Variants in EPC1 observed in about 807,000 individuals in gnomAD.
EPC1 encodes the protein enhancer of polycomb 1.
EPC1 carries 12 observed loss-of-function variants against 98.4 expected under a neutral mutation model. The observed-to-expected ratio is 0.12, with a 90% CI of 0.08 to 0.20. EPC1 has a LOEUF of 0.20. EPC1 is among the 10% of genes least tolerant of loss of function. The pLI is 1.00. For synonymous variants in EPC1, 357 were observed against 363.9 expected (o/e 0.98, Z 0.21); for missense variants, 729 against 990.5 (o/e 0.74, Z 3.54).
intron 2 of EPC1, 141 bp downstream of exon 2, chr10:32,305,631 G>T: frequency 2.1e-6 from 1 of 487,634 alleles, no homozygotes; most frequent in Non-Finnish European, 3.3e-6. Context: ...TTTAAAAGTT[G>T]AAAATGGACT....
intron 1 of EPC1, among the ~76,000 whole-genome samples, chr10:32,363,039 T>C (rs1419499585): frequency 6.9e-6 from 1 of 144,528 alleles, no homozygotes; most frequent in Non-Finnish European, 1.5e-5. Flanking sequence ...AGGAAATCTA[T>C]ATTAGTAAAA....
At position 32,289,055 on chromosome 10, in the gene EPC1, C is replaced by T. The variant is rs560648499; in HGVS notation, c.976-1781G>A. Among the ~76,000 whole-genome samples the T allele has an allele frequency of 3.3e-5, 5 of 152,106 alleles. No individual in the cohort carries two copies. The East Asian group carries it at 9.7e-4, about 29-fold the overall frequency. ...AGTGAGCCAAGATTGCGCCACTGCA[C>T]TCCAGCCTGGGTGACAGAGCAAGAC... On this transcript the variant is annotated intron_variant, in intron 6 of 13. Transcript: ENST00000319778.
At chr10:32,370,739 A>T (rs190103378) in intron 1 of EPC1, among the ~76,000 whole-genome samples, 16 of 152,346 alleles carry the variant, frequency 1.1e-4, no homozygotes, top group Admixed American at 1.0e-3. Flanking sequence ...ACCACTTGAA[A>T]TGTGGATAGT....
chr10:32,303,487 GAACTATTCATATATCCAAC>G (rs1478006297), intron 2 of EPC1, among the ~76,000 whole-genome samples: 1 of 152,106 alleles, frequency 6.6e-6, no homozygotes, highest in Non-Finnish European at 1.5e-5. Flanking sequence ...AAGAAGGAAC[GAACTATTCATATATCCAAC>G]AACTGAATGA....
intron 11 of EPC1, 89 bp from the exon 12 acceptor site, chr10:32,272,256 A>C: frequency 9.0e-7 from 1 of 1,117,132 alleles, no homozygotes; most frequent in Non-Finnish European, 1.2e-6. Context: ...AATCAGTTTG[A>C]ATATAAGTAA....
At chr10:32,347,274 C>T (rs867915738), upstream of EPC1, 14 of 1,013,342 alleles carry the variant, frequency 1.4e-5, no homozygotes, top group African/African-American at 2.0e-4. Context: ...GCGCGCGTCC[C>T]GCCAACCCCC....
chr10:32,310,719 C>A (rs1160783182), intron 1 of EPC1, among the ~76,000 whole-genome samples: 1 of 151,934 alleles, frequency 6.6e-6, no homozygotes, highest in Non-Finnish European at 1.5e-5. Flanking sequence ...ATTAAAAATA[C>A]AAAAATTAGC....
At chr10:32,306,509 T>C (rs1209877153) in intron 1 of EPC1, among the ~76,000 whole-genome samples, 3 of 152,136 alleles carry the variant, frequency 2.0e-5, no homozygotes, top group African/African-American at 4.8e-5. Context: ...GCAGAGTATG[T>C]GTAGGGGCAG....
At chr10:32,374,899 G>A (rs1292429770) in intron 1 of EPC1, among the ~76,000 whole-genome samples, 3 of 152,000 alleles carry the variant, frequency 2.0e-5, no homozygotes, top group African/African-American at 7.2e-5. Context: ...AGAAACAAAT[G>A]TTGAACAAAT....
chr10:32,373,201 C>T (rs2133126781), intron 1 of EPC1, among the ~76,000 whole-genome samples: 1 of 152,230 alleles, frequency 6.6e-6, no homozygotes, highest in East Asian at 1.9e-4. Flanking sequence ...CCTCTCTATG[C>T]CTCAGTTTCC....
At chr10:32,321,549 T>C (rs932775665) in intron 1 of EPC1, among the ~76,000 whole-genome samples, 14 of 151,976 alleles carry the variant, frequency 9.2e-5, no homozygotes, top group African/African-American at 3.4e-4. Flanking sequence ...TTCAGCAGAC[T>C]AGTTGTGGTA....
At position 32,293,666 on chromosome 10, in the gene EPC1, T is replaced by C; in HGVS notation, c.385A>G (p.Lys129Glu). Residue 129 changes from lysine to glutamate, a missense_variant, in exon 3 of 14, where the codon AAA becomes GAA. By Grantham distance (56) the Lys-to-Glu change is moderately conservative. Coordinates refer to ENST00000319778, the MANE Select transcript of EPC1 (RefSeq NM_001272004.3). ...AATGGGCAGATGTCCATTTTCTTTT[T>C]CAGTTTATTCACAAATACTTCATCT... ...SEDEVFVNKL[K>E]KKMDICPLQF... The C allele has an allele frequency of 6.2e-7, 1 of 1,613,760 alleles. No individual in the cohort carries two copies. The highest frequency in any genetic ancestry group is 8.5e-7 in the Non-Finnish European group (1 of 1,179,848).
intron 1 of EPC1, among the ~76,000 whole-genome samples, chr10:32,321,360 T>C (rs980187989): frequency 1.3e-5 from 2 of 152,052 alleles, no homozygotes; most frequent in Non-Finnish European, 2.9e-5. Flanking sequence ...CTGTTTTTTT[T>C]TCAGAGATGG....
At chr10:32,290,136 TTAAGA>T (rs965868577) in intron 6 of EPC1, among the ~76,000 whole-genome samples, 3 of 152,000 alleles carry the variant, frequency 2.0e-5, no homozygotes, top group Non-Finnish European at 4.4e-5. Flanking sequence ...TATATTACTA[TTAAGA>T]TATCAAAATT....
At chr10:32,297,914 C>T (rs1305764948) in intron 2 of EPC1, among the ~76,000 whole-genome samples, 2 of 152,114 alleles carry the variant, frequency 1.3e-5, no homozygotes, top group Non-Finnish European at 1.5e-5. Flanking sequence ...TCTCCTGCCT[C>T]GGCCTCCCGA....
Position 32,308,626 on chromosome 10 carries a change from CT to C in EPC1, c.154-2696del, listed in dbSNP as rs1836013845. Among the ~76,000 whole-genome samples, 3 of 152,266 alleles carry C rather than the reference CT, an allele frequency of 2.0e-5. No individual in the cohort carries two copies. In the South Asian group the frequency reaches 6.2e-4, roughly 32 times the overall value. Reference sequence around the variant, plus strand: ...GTCCTAATGTCATGGATGAAATAATCTGTTCTCCTTAATCATTAAAAATGTT... The same window carrying C: ...GTCCTAATGTCATGGATGAAATAATCGTTCTCCTTAATCATTAAAAATGTT... On this transcript the variant is annotated intron_variant, in intron 1 of 13. Coordinates refer to ENST00000319778, the MANE Select transcript of EPC1 (RefSeq NM_001272004.3).
chr10:32,275,721 G>C (rs1836053653), intron 10 of EPC1, among the ~76,000 whole-genome samples: 1 of 151,812 alleles, frequency 6.6e-6, no homozygotes, highest in African/African-American at 2.4e-5. Context: ...CTTGCAGTGA[G>C]CCGAGATCGC....
chr10:32,295,921 G>A (rs1409891960), intron 2 of EPC1, among the ~76,000 whole-genome samples: 2 of 149,732 alleles, frequency 1.3e-5, no homozygotes, highest in South Asian at 2.1e-4. Flanking sequence ...TGTTCTCAAT[G>A]TTCTTTTTTT....
chr10:32,356,683 C>A (rs1197559265), intron 1 of EPC1, among the ~76,000 whole-genome samples: 1 of 152,252 alleles, frequency 6.6e-6, no homozygotes, highest in Middle Eastern at 3.4e-3. Flanking sequence ...GGTGCCTGCG[C>A]ACGTTGATTA....
Sources: gnomAD v4.1 joint callset for allele counts (sites outside exome capture counted in the v4.1 genomes callset) on GRCh38, gnomAD v4.1.1 for gene constraint, MANE v1.5 for transcripts, NCBI Gene and HGNC (gene_info 2026-07-23, HGNC 2026-07-21) for gene names.